The following BORCS5 variants were observed in gnomAD, a reference collection of about 807,000 sequenced individuals.
BORCS5 encodes the protein BLOC-1 related complex subunit 5.
Under a neutral mutation model 22.1 loss-of-function variants are expected in BORCS5, and 17 were observed. That is an observed-to-expected ratio of 0.77 (90% CI 0.53 to 1.15). The LOEUF (loss-of-function observed/expected upper bound fraction) is 1.15. Among genes scored for constraint, BORCS5 ranks in the 50% most tolerant of loss-of-function variants. The pLI, the probability that BORCS5 is intolerant of heterozygous loss-of-function variation, is 0.00. For synonymous variants in BORCS5, 117 were observed against 99.8 expected (o/e 1.17, Z -1.03); for missense variants, 247 against 253.2 (o/e 0.98, Z 0.17).
intron 3 of BORCS5, among the ~76,000 whole-genome samples, chr12:12,443,547 G>A (rs1942725091): frequency 6.6e-6 from 1 of 152,202 alleles, no homozygotes; most frequent in African/African-American, 2.4e-5. Context: ...GGGCTTCCTT[G>A]GGCCTGGCCC....
intron 2 of BORCS5, among the ~76,000 whole-genome samples, chr12:12,422,816 A>C (rs952826951): frequency 2.6e-5 from 4 of 152,098 alleles, no homozygotes; most frequent in Admixed American, 2.0e-4. Flanking sequence ...TATGTAAAAA[A>C]ACAAAATATG....
chr12:12,381,674 A>C (rs909892285), intron 2 of BORCS5, among the ~76,000 whole-genome samples: 2 of 151,412 alleles, frequency 1.3e-5, no homozygotes, highest in Non-Finnish European at 3.0e-5. Flanking sequence ...TTTGCATTTT[A>C]CATTTAGGTC....
At chr12:12,427,412 C>T (rs140683697) in intron 2 of BORCS5, among the ~76,000 whole-genome samples, 2,546 of 152,122 alleles carry the variant, frequency 0.017, 77 homozygotes, top group African/African-American at 0.059. Context: ...GATATCCTGA[C>T]CTTGTGATGG....
chr12:12,372,633 A>G (rs1057195212), intron 2 of BORCS5, among the ~76,000 whole-genome samples: 1 of 152,030 alleles, frequency 6.6e-6, no homozygotes, highest in Admixed American at 6.6e-5. Context: ...GGGCTCATCT[A>G]GTGCAGTCTT....
rs1243086142 is a variant in BORCS5, at chr12:12,410,360, G to A, written c.203-25268G>A. ...TCTTCTAGGGTTTTTATGGTTTTAG[G>A]TCTAACATTGAAGTCTTTAATCCAT... On this transcript the variant is annotated intron_variant, in intron 2 of 3. Transcript: ENST00000314565. Among the ~76,000 whole-genome samples the A allele has an allele frequency of 2.6e-5, 4 of 152,160 alleles. No individual in the cohort carries two copies. The South Asian group carries it at 6.2e-4, about 24-fold the overall frequency.
chr12:12,438,072 A>T (rs551865820), intron 3 of BORCS5, among the ~76,000 whole-genome samples: 1 of 152,188 alleles, frequency 6.6e-6, no homozygotes, highest in Non-Finnish European at 1.5e-5. Flanking sequence ...TTAATTAACT[A>T]TGACATTAAC....
At chr12:12,400,532 A>G (rs1384478965) in intron 2 of BORCS5, among the ~76,000 whole-genome samples, 2 of 151,368 alleles carry the variant, frequency 1.3e-5, no homozygotes, top group Non-Finnish European at 2.9e-5. Flanking sequence ...TGTCCTCCAT[A>G]GAGATTATCA....
intron 2 of BORCS5, among the ~76,000 whole-genome samples, chr12:12,406,474 A>G (rs1221438540): frequency 6.6e-6 from 1 of 152,248 alleles, no homozygotes; most frequent in Non-Finnish European, 1.5e-5. Context: ...TAAGGAACCC[A>G]TGATGAGTTA....
intron 3 of BORCS5, among the ~76,000 whole-genome samples, chr12:12,455,819 A>G (rs1406411519): frequency 6.6e-6 from 1 of 151,298 alleles, no homozygotes; most frequent in Non-Finnish European, 1.5e-5. Context: ...GTCCATATGC[A>G]GTCTTTTTTG....
At chr12:12,429,485 C>G (rs1038824130) in intron 2 of BORCS5, among the ~76,000 whole-genome samples, 1 of 152,148 alleles carries the variant, frequency 6.6e-6, no homozygotes, top group African/African-American at 2.4e-5. Context: ...TCCTATGAGT[C>G]AAGGAAGCAC....
chr12:12,390,803 A>G (rs1185181054), intron 2 of BORCS5, among the ~76,000 whole-genome samples: 1 of 150,784 alleles, frequency 6.6e-6, no homozygotes, highest in East Asian at 1.9e-4. Flanking sequence ...AAAAAAAATT[A>G]TGGTCAAAGC....
At chr12:12,383,603 C>CT (rs574652118) in intron 2 of BORCS5, among the ~76,000 whole-genome samples, 2,318 of 139,498 alleles carry the variant, frequency 0.017, 75 homozygotes, top group African/African-American at 0.03. Context: ...ATGTCTTTGT[C>CT]TTTTTTTTTT....
intron 2 of BORCS5, among the ~76,000 whole-genome samples, chr12:12,400,762 C>T (rs1941453258): frequency 6.6e-6 from 1 of 152,188 alleles, no homozygotes; most frequent in African/African-American, 2.4e-5. Context: ...CTCCTCCTCC[C>T]ACTCCACAGG....
At chr12:12,401,789 T>C (rs923566664) in intron 2 of BORCS5, among the ~76,000 whole-genome samples, 1 of 152,192 alleles carries the variant, frequency 6.6e-6, no homozygotes, top group Non-Finnish European at 1.5e-5. Flanking sequence ...CCAGGAGCGG[T>C]GGTTCACGCC....
intron 3 of BORCS5, among the ~76,000 whole-genome samples, chr12:12,438,381 CGAA>C (rs1282732501): frequency 1.5e-5 from 1 of 65,174 alleles, no homozygotes; most frequent in Non-Finnish European, 2.9e-5. Context: ...AAAAAAAAAA[CGAA>C]AAACAACAAC....
intron 3 of BORCS5, among the ~76,000 whole-genome samples, chr12:12,437,078 T>C (rs1335457661): frequency 6.6e-6 from 1 of 152,208 alleles, no homozygotes; most frequent in Non-Finnish European, 1.5e-5. Context: ...TAAGATGTTA[T>C]GGTTTGGCTG....
intron 2 of BORCS5, among the ~76,000 whole-genome samples, chr12:12,373,630 A>G (rs994740096): frequency 6.6e-6 from 1 of 152,084 alleles, no homozygotes; most frequent in Non-Finnish European, 1.5e-5. Flanking sequence ...TACTTATAAG[A>G]CCCTCCTGCC....
rs772587755 is a variant in BORCS5, at chr12:12,435,783, G to A, written c.358G>A (p.Glu120Lys). ...GAATGCTTTGGTTAAACGAATCAAAGAGGTAATGTGCTGCGGGAAAATAAC... is the reference window on the plus strand; with the variant it reads ...GAATGCTTTGGTTAAACGAATCAAAAAGGTAATGTGCTGCGGGAAAATAAC... ...DQNALVKRIK[E>K]MDLSVETLFS... Residue 120 changes from glutamate (E) to lysine (K), a missense_variant and splice_region_variant, in exon 3 of 4, where the codon GAG (glutamate) becomes AAG (lysine). By Grantham distance (56) the Glu-to-Lys change is moderately conservative. Transcript: ENST00000314565. 5.6e-6 allele frequency: 9 copies of A among 1,610,816 alleles called. No individual in the cohort carries two copies. The highest frequency in any genetic ancestry group is 7.6e-6 in the Non-Finnish European group (9 of 1,178,510).
chr12:12,446,597 T>A (rs1368264383), intron 3 of BORCS5, among the ~76,000 whole-genome samples: 2 of 152,214 alleles, frequency 1.3e-5, no homozygotes, highest in African/African-American at 4.8e-5. Context: ...ATCTGAATTG[T>A]TTTAGATCTC....
Sources: allele counts gnomAD v4.1 joint callset (sites outside exome capture counted in the v4.1 genomes callset), GRCh38; gene constraint gnomAD v4.1.1; transcripts MANE v1.5; gene names NCBI Gene and HGNC (gene_info 2026-07-23, HGNC 2026-07-21).